Variants in NELL1 observed in about 807,000 individuals in gnomAD.
NELL1 encodes neural EGFL like 1.
Under a neutral mutation model 107.4 loss-of-function variants are expected in NELL1, and 76 were observed. The observed-to-expected ratio is 0.71, with a 90% confidence interval of 0.59 to 0.86. The LOEUF is 0.86. NELL1 is among the 40% of genes least tolerant of loss of function. NELL1 has a pLI of 0.00. For missense variants in NELL1, 1,024 were observed against 1,005.5 expected (o/e 1.02, Z -0.25); for synonymous variants, 353 against 341.2 (o/e 1.03, Z -0.38).
At chr11:21,006,744 G>A (rs1482841978) in intron 12 of NELL1, among the ~76,000 whole-genome samples, 1 of 152,080 alleles carries the variant, frequency 6.6e-6, no homozygotes, top group Non-Finnish European at 1.5e-5. Context: ...TTATCTGAGA[G>A]CTTGGCGTTG....
chr11:20,695,117 T>C (rs1715292), intron 2 of NELL1, among the ~76,000 whole-genome samples: 31,608 of 151,970 alleles, frequency 0.21, 3,584 homozygotes, highest in African/African-American at 0.27. Context: ...TATATAAAAA[T>C]GTTACTGATT....
intron 2 of NELL1, among the ~76,000 whole-genome samples, chr11:20,725,075 C>T (rs1333812541): frequency 2.6e-5 from 4 of 152,166 alleles, no homozygotes; most frequent in Non-Finnish European, 5.9e-5. Flanking sequence ...AATCACCTCC[C>T]TCAACATGTG....
Position 21,320,439 on chromosome 11 carries a change from A to G in NELL1, c.1550-50414A>G, listed in dbSNP as rs1849984264. ...CACTAACAGCTGCACTGAGACAGTG[A>G]TGAAGTATCAGAATAAATATTGAAA... is the stretch of plus-strand genomic sequence containing the variant. On this transcript the variant is annotated intron_variant, in intron 14 of 19. Coordinates refer to ENST00000357134, the MANE Select transcript of NELL1 (RefSeq NM_006157.5). Among the ~76,000 whole-genome samples the G allele has an allele frequency of 2.0e-5, 3 of 152,186 alleles. No individual in the cohort carries two copies. The South Asian group carries it at 6.2e-4, about 32-fold the overall frequency.
chr11:21,508,593 A>G (rs1380903781), intron 15 of NELL1, among the ~76,000 whole-genome samples: 1 of 152,210 alleles, frequency 6.6e-6, no homozygotes, highest in Non-Finnish European at 1.5e-5. Flanking sequence ...TTAAAAACTT[A>G]TCTGAACAAA....
At chr11:20,727,167 T>G (rs1166653327) in intron 2 of NELL1, among the ~76,000 whole-genome samples, 4 of 152,212 alleles carry the variant, frequency 2.6e-5, no homozygotes, top group Admixed American at 2.0e-4. Flanking sequence ...TAGAGGAATC[T>G]CCACACTGTC....
At chr11:21,082,049 C>A (rs560072670) in intron 12 of NELL1, among the ~76,000 whole-genome samples, 1 of 152,278 alleles carries the variant, frequency 6.6e-6, no homozygotes, top group African/African-American at 2.4e-5. Context: ...GCAACTTGAA[C>A]TATTGTAGCT....
intron 15 of NELL1, among the ~76,000 whole-genome samples, chr11:21,456,281 CTT>C (rs1457363135): frequency 6.6e-6 from 1 of 152,082 alleles, no homozygotes; most frequent in African/African-American, 2.4e-5. Flanking sequence ...TTTTCCCTCT[CTT>C]TGCTTCATTG....
intron 2 of NELL1, among the ~76,000 whole-genome samples, chr11:20,685,484 A>G (rs1715259): frequency 0.21 from 31,918 of 151,942 alleles, 3,682 homozygotes; most frequent in African/African-American, 0.28. Context: ...TAATATAGGC[A>G]GACTTCAAAA....
chr11:21,485,955 C>A (rs918324697), intron 15 of NELL1, among the ~76,000 whole-genome samples: 1 of 152,106 alleles, frequency 6.6e-6, no homozygotes, highest in Admixed American at 6.5e-5. Flanking sequence ...CCTACCTGTA[C>A]AAGCCACTTG....
At chr11:21,259,282 G>C (rs1228494700) in intron 14 of NELL1, among the ~76,000 whole-genome samples, 1 of 151,798 alleles carries the variant, frequency 6.6e-6, no homozygotes, top group Non-Finnish European at 1.5e-5. Flanking sequence ...TGCTTTAAGG[G>C]AGCCATTATT....
intron 15 of NELL1, among the ~76,000 whole-genome samples, chr11:21,489,819 C>G (rs907758676): frequency 1.3e-5 from 2 of 151,986 alleles, no homozygotes; most frequent in African/African-American, 2.4e-5. Context: ...CCATATATGA[C>G]AAACCCACAG....
Position 21,127,182 on chromosome 11 carries a change from C to T in NELL1, c.1426+13468C>T, listed in dbSNP as rs191817594. ...TCAGGAAATTTCCTTAGAGGGAATT[C>T]GCAACACACAGAGAGACAGGTAAAG... is the stretch of plus-strand genomic sequence containing the variant. On this transcript the variant is annotated intron_variant, in intron 13 of 19. Coordinates refer to ENST00000357134, the MANE Select transcript of NELL1 (RefSeq NM_006157.5). Among the ~76,000 whole-genome samples, 458 of 151,882 alleles carry T rather than the reference C, an allele frequency of 3.0e-3. 4 individuals carry two copies. The highest frequency in any genetic ancestry group is 0.011 in the African/African-American group (438 of 41,406).
intron 4 of NELL1, 110 bp downstream of exon 4, chr11:20,847,863 G>A (rs1208296132): frequency 1.7e-6 from 2 of 1,161,220 alleles, no homozygotes; most frequent in Non-Finnish European, 2.4e-6. Flanking sequence ...AACACCAAGG[G>A]ACCCTAATTG....
At chr11:20,782,598 C>T (rs1856873152) in intron 2 of NELL1, among the ~76,000 whole-genome samples, 1 of 152,110 alleles carries the variant, frequency 6.6e-6, no homozygotes, top group African/African-American at 2.4e-5. Context: ...GTCCGTATAC[C>T]AGTCTGTGAT....
intron 14 of NELL1, among the ~76,000 whole-genome samples, chr11:21,311,950 C>T (rs1284778105): frequency 6.6e-6 from 1 of 152,098 alleles, no homozygotes; most frequent in African/African-American, 2.4e-5. Flanking sequence ...GCCTTTTCAA[C>T]AGTGGGATTA....
intron 15 of NELL1, among the ~76,000 whole-genome samples, chr11:21,381,237 G>A (rs1170977741): frequency 6.6e-6 from 1 of 151,912 alleles, no homozygotes; most frequent in Non-Finnish European, 1.5e-5. Context: ...TTGATCATTT[G>A]CATTGTTTTA....
At chr11:21,284,669 G>A (rs987848321) in intron 14 of NELL1, 7 of 380,696 alleles carry the variant, frequency 1.8e-5, no homozygotes, top group African/African-American at 1.0e-4. Context: ...CAGGCCTTGT[G>A]CCTGGAGCCA....
intron 16 of NELL1, among the ~76,000 whole-genome samples, chr11:21,550,482 T>C (rs866513397): frequency 6.6e-6 from 1 of 152,074 alleles, no homozygotes; most frequent in Non-Finnish European, 1.5e-5. Flanking sequence ...AGGTCTAATG[T>C]TTAAGTCTTT....
At chr11:20,812,880 C>G (rs537914466) in intron 3 of NELL1, among the ~76,000 whole-genome samples, 282 of 150,530 alleles carry the variant, frequency 1.9e-3, no homozygotes, top group Non-Finnish European at 2.8e-3. Flanking sequence ...AGGTGGCGGG[C>G]GCCTGTAGTC....
Sources: gnomAD v4.1 joint callset for allele counts (sites outside exome capture counted in the v4.1 genomes callset) on GRCh38, gnomAD v4.1.1 for gene constraint, MANE v1.5 for transcripts, NCBI Gene and HGNC (gene_info 2026-07-23, HGNC 2026-07-21) for gene names.